The following LMF1 variants were observed in gnomAD, a reference collection of about 807,000 sequenced individuals.
LMF1 encodes transmembrane protein 112.
In LMF1, 68 loss-of-function variants were observed where a neutral mutation model predicts 60.6. The observed-to-expected ratio is 1.12, with a 90% CI of 0.92 to 1.37. The LOEUF is 1.37. Among genes scored for constraint, LMF1 ranks in the 40% most tolerant of loss-of-function variants. The pLI, the probability that LMF1 is intolerant of heterozygous loss-of-function variation, is 0.00. For synonymous variants in LMF1, 418 were observed against 324.7 expected (o/e 1.29, Z -3.09); for missense variants, 948 against 767.2 (o/e 1.24, Z -2.78).
chr16:911,830 C>G (rs998625489), intron 3 of LMF1, among the ~76,000 whole-genome samples: 4 of 152,056 alleles, frequency 2.6e-5, no homozygotes, highest in African/African-American at 9.7e-5. Context: ...TGGGTCCACA[C>G]GGAACCAACA....
chr16:893,110 G>T, intron 4 of LMF1, 38 bp from the exon 5 acceptor site: 1 of 1,523,034 alleles, frequency 6.6e-7, no homozygotes, highest in Non-Finnish European at 8.9e-7. Context: ...CAGTCACAGG[G>T]GCTGGGGATG....
chr16:872,755 C>G (rs1163982433), intron 6 of LMF1: 1 of 152,414 alleles, frequency 6.6e-6, no homozygotes, highest in African/African-American at 2.4e-5. Flanking sequence ...ACTGGAATGT[C>G]CTGGTGGGAA....
At chr16:981,299 TGTGTGAGA>T (rs776726522), upstream of LMF1, 698 of 377,778 alleles carry the variant, frequency 1.8e-3, no homozygotes, top group East Asian at 7.3e-3. Context: ...TGTGTGTGTG[TGTGTGAGA>T]GAGAGAGAGA....
intron 1 of LMF1, among the ~76,000 whole-genome samples, chr16:957,300 G>C (rs1403491842): frequency 2.0e-5 from 3 of 152,224 alleles, no homozygotes; most frequent in Non-Finnish European, 2.9e-5. Flanking sequence ...CTGTGTAACT[G>C]TGCATGCTGG....
chr16:879,480 AG>A, intron 6 of LMF1, 89 bp downstream of exon 6: 1 of 1,460,934 alleles, frequency 6.8e-7, no homozygotes. Context: ...GTAATGCCCC[AG>A]GGTCCTCCCA....
intron 10 of LMF1, among the ~76,000 whole-genome samples, chr16:858,891 GC>G (rs374170425): frequency 3.7e-4 from 30 of 80,378 alleles, no homozygotes; most frequent in South Asian, 5.5e-4. Flanking sequence ...GGACGGGTGT[GC>G]AGTGGTGTCT....
intron 6 of LMF1, chr16:872,380 C>T (rs1032477181): frequency 1.3e-5 from 2 of 152,172 alleles, no homozygotes; most frequent in Admixed American, 6.5e-5. Context: ...GTGTTATGGG[C>T]GATGATGGTG....
In LMF1 at chr16:870,053, GC is replaced by G. The variant is rs1567153519; in HGVS notation, c.1245del (p.Glu415AspfsTer5). ...GTGCCCTGCAGGATCACCTCCGCCC[GC>G]TCCTTGGTGATGCTGCCGGGAGACC... The part of the protein sequence containing the change: ...TYGAFGSITK[E>X]RAEVILQGTA... On this transcript the variant is annotated frameshift_variant, in exon 9 of 11. Coordinates refer to ENST00000262301, the MANE Select transcript of LMF1 (RefSeq NM_022773.4). LOFTEE classifies it high-confidence loss of function. 1 of 1,609,146 alleles carries G rather than the reference GC, an allele frequency of 6.2e-7. No individual in the cohort carries two copies. The highest frequency in any genetic ancestry group is 1.7e-5 in the Admixed American group (1 of 59,966).
At chr16:935,811 C>T (rs547210523) in intron 2 of LMF1, among the ~76,000 whole-genome samples, 1 of 152,336 alleles carries the variant, frequency 6.6e-6, no homozygotes, top group East Asian at 1.9e-4. Context: ...CTCCCTACAT[C>T]GTCCGACCTT....
At chr16:900,688 T>TGTGTGG (rs2070785494) in intron 4 of LMF1, 1 of 117,984 alleles carries the variant, frequency 8.5e-6, no homozygotes. Flanking sequence ...TTTATGTGTG[T>TGTGTGG]GTGTGTGTGT....
intron 1 of LMF1, among the ~76,000 whole-genome samples, chr16:964,977 C>A (rs2072895066): frequency 6.6e-6 from 1 of 152,226 alleles, no homozygotes; most frequent in African/African-American, 2.4e-5. Flanking sequence ...TGCCTCCACG[C>A]CTAAAGGACA....
intron 1 of LMF1, among the ~76,000 whole-genome samples, chr16:966,356 C>A (rs139107791): frequency 1.1e-3 from 175 of 152,328 alleles, no homozygotes; most frequent in Non-Finnish European, 1.9e-3. Context: ...CCGGCCCTGG[C>A]CGGGGCGGTT....
intron 3 of LMF1, among the ~76,000 whole-genome samples, chr16:915,873 C>T (rs914015245): frequency 5.3e-5 from 8 of 151,906 alleles, no homozygotes; most frequent in South Asian, 4.2e-4. Flanking sequence ...ACGCGGGGGC[C>T]GGAGCAGGTG....
In LMF1 at chr16:937,063, A is replaced by G. The variant is rs80005022; in HGVS notation, c.504-2809T>C. ...CCACCAAAATACAAGCGTTGTGCAG[A>G]GAAGGGGTGAGTCCAGACGCAGCTG... On this transcript the variant is annotated intron_variant, in intron 2 of 10. Transcript: ENST00000262301. 8.5e-4 allele frequency among the ~76,000 whole-genome samples: 130 copies of G among 152,324 alleles called. 1 individual carries two copies. The East Asian group carries it at 0.019, about 22-fold the overall frequency.
upstream of LMF1, among the ~76,000 whole-genome samples, chr16:972,651 G>A (rs1043968969): frequency 3.3e-5 from 5 of 152,228 alleles, no homozygotes; most frequent in South Asian, 8.3e-4. Flanking sequence ...GTGGCCCTGC[G>A]CTGTCCTCAG....
chr16:943,888 T>C (rs994370930), intron 2 of LMF1, among the ~76,000 whole-genome samples: 2 of 152,202 alleles, frequency 1.3e-5, no homozygotes, highest in Admixed American at 6.5e-5. Context: ...CCTATTTTCC[T>C]GTTTCTTTAC....
chr16:939,604 G>A (rs2072040541), intron 2 of LMF1, among the ~76,000 whole-genome samples: 1 of 151,864 alleles, frequency 6.6e-6, no homozygotes, highest in Non-Finnish European at 1.5e-5. Flanking sequence ...ACCCTGCTGT[G>A]TCTGCGGCGA....
intron 3 of LMF1, among the ~76,000 whole-genome samples, chr16:917,291 CACT>C (rs2071305723): frequency 6.7e-6 from 1 of 148,736 alleles, no homozygotes; most frequent in Non-Finnish European, 1.5e-5. Context: ...CACACGTGTG[CACT>C]GCGGGCGGGC....
At chr16:943,226 C>A (rs527567448) in intron 2 of LMF1, among the ~76,000 whole-genome samples, 1 of 151,872 alleles carries the variant, frequency 6.6e-6, no homozygotes, top group East Asian at 2.0e-4. Flanking sequence ...AAAAAATTAG[C>A]CAGGTGTGGT....
Sources: gnomAD v4.1 joint callset for allele counts (sites outside exome capture counted in the v4.1 genomes callset) on GRCh38, gnomAD v4.1.1 for gene constraint, MANE v1.5 for transcripts, NCBI Gene and HGNC (gene_info 2026-07-23, HGNC 2026-07-21) for gene names.